CNTN4: variants seen among roughly 807,000 people sequenced by gnomAD.
CNTN4 encodes contactin-4.
In CNTN4, 77 loss-of-function variants were observed where a neutral mutation model predicts 122.5. The ratio of observed to expected loss-of-function variants is 0.63; its 90% CI spans 0.52 to 0.76. The LOEUF (loss-of-function observed/expected upper bound fraction) is 0.76, where lower values mean the gene tolerates loss of function less well. CNTN4 is among the 30% of genes least tolerant of loss of function. CNTN4 has a pLI of 0.00. For synonymous variants in CNTN4, 512 were observed against 447.0 expected, an observed-to-expected ratio of 1.15 and a Z score of -1.83; for missense variants, 1,256 against 1,259.1, an observed-to-expected ratio of 1.00 and a Z score of 0.04.
chr3:2,893,272 T>C (rs961197838), intron 10 of CNTN4, among the ~76,000 whole-genome samples: 2 of 152,200 alleles, frequency 1.3e-5, no homozygotes, highest in African/African-American at 2.4e-5. Context: ...TCTAAGGTCA[T>C]CAATAAATGA....
At chr3:2,199,753 C>G (rs968746346) in intron 2 of CNTN4, among the ~76,000 whole-genome samples, 1 of 152,106 alleles carries the variant, frequency 6.6e-6, no homozygotes, top group African/African-American at 2.4e-5. Context: ...GACAAACACC[C>G]AATACATGGT....
Position 2,879,881 on chromosome 3 carries a change from T to A in CNTN4, c.653-3264T>A, listed in dbSNP as rs192107200. Among the ~76,000 whole-genome samples, 385 of 152,198 alleles carry A rather than the reference T, an allele frequency of 2.5e-3. 2 individuals carry two copies. Among genetic ancestry groups the A allele is most frequent in the Non-Finnish European group, 4.8e-3 (329 of 68,010 alleles). On this transcript the variant is annotated intron_variant, in intron 8 of 24. Transcript: ENST00000418658. ...TTAAAAACTTGTTTTTTAAAAAAAA[T>A]TATCAATGGAAACAGACAAAGGTAG...
At chr3:2,353,119 A>G (rs1575441004) in intron 3 of CNTN4, among the ~76,000 whole-genome samples, 1 of 152,092 alleles carries the variant, frequency 6.6e-6, no homozygotes, top group East Asian at 1.9e-4. Flanking sequence ...AGGATTGTAT[A>G]TGTACCAATC....
chr3:2,563,456 A>C (rs906725966), intron 3 of CNTN4, among the ~76,000 whole-genome samples: 1 of 152,220 alleles, frequency 6.6e-6, no homozygotes, highest in African/African-American at 2.4e-5. Flanking sequence ...ACTATATAGT[A>C]AATGCTGTTT....
At chr3:2,430,175 G>C (rs1441821064) in intron 3 of CNTN4, among the ~76,000 whole-genome samples, 3 of 152,018 alleles carry the variant, frequency 2.0e-5, no homozygotes, top group Non-Finnish European at 4.4e-5. Context: ...TGTAATCCCA[G>C]CACTTTGGGA....
At chr3:2,562,096 C>G (rs1239971657) in intron 3 of CNTN4, among the ~76,000 whole-genome samples, 2 of 152,102 alleles carry the variant, frequency 1.3e-5, no homozygotes, top group African/African-American at 4.8e-5. Context: ...AATCTAAATG[C>G]AAGATGAAAA....
At chr3:2,752,506 C>G (rs1393546005) in intron 6 of CNTN4, among the ~76,000 whole-genome samples, 1 of 152,148 alleles carries the variant, frequency 6.6e-6, no homozygotes, top group Non-Finnish European at 1.5e-5. Context: ...GCTGGGAATA[C>G]AGGCGCCCAC....
intron 4 of CNTN4, among the ~76,000 whole-genome samples, chr3:2,667,346 A>G (rs980315271): frequency 9.9e-5 from 15 of 151,966 alleles, no homozygotes; most frequent in African/African-American, 2.4e-4. Context: ...GGCCAGTGAT[A>G]ATGAGCATTT....
chr3:2,100,457 CG>C (rs1275515771), intron 1 of CNTN4, 100 bp from the exon 2 acceptor site: 4 of 152,072 alleles, frequency 2.6e-5, no homozygotes, highest in African/African-American at 7.3e-5. Context: ...GGGGTAGGAG[CG>C]TAAAGACTGT....
chr3:2,562,580 A>G (rs1284903042), intron 3 of CNTN4, among the ~76,000 whole-genome samples: 1 of 152,128 alleles, frequency 6.6e-6, no homozygotes, highest in African/African-American at 2.4e-5. Context: ...TCATTGTTGC[A>G]TAGTATTCCG....
At chr3:2,549,451 G>C (rs2078389278) in intron 3 of CNTN4, among the ~76,000 whole-genome samples, 1 of 152,190 alleles carries the variant, frequency 6.6e-6, no homozygotes, top group Admixed American at 6.5e-5. Context: ...CATCTATTGA[G>C]ATAATCAGGT....
At chr3:2,375,417 T>C (rs898730474) in intron 3 of CNTN4, among the ~76,000 whole-genome samples, 4 of 152,194 alleles carry the variant, frequency 2.6e-5, no homozygotes, top group African/African-American at 7.2e-5. Flanking sequence ...ATTTTGAAGA[T>C]AGAAAAGATA....
intron 3 of CNTN4, among the ~76,000 whole-genome samples, chr3:2,541,237 T>C (rs2078019864): frequency 6.6e-6 from 1 of 152,180 alleles, no homozygotes; most frequent in African/African-American, 2.4e-5. Flanking sequence ...CTAATGGTTA[T>C]TGGAAATGTG....
intron 23 of CNTN4, among the ~76,000 whole-genome samples, chr3:3,046,841 T>TAA (rs566432642): frequency 1.4e-5 from 2 of 142,824 alleles, no homozygotes; most frequent in Admixed American, 1.4e-4. Context: ...GCAAATTGGA[T>TAA]AGAGTCAAGA....
chr3:2,173,948 T>C (rs747857503), intron 2 of CNTN4, among the ~76,000 whole-genome samples: 9 of 152,194 alleles, frequency 5.9e-5, no homozygotes, highest in Non-Finnish European at 4.4e-5. Flanking sequence ...TTGTTTTATT[T>C]TATTGTCAAA....
chr3:2,312,563 A>G lies in CNTN4; in HGVS notation c.-144-26615A>G, dbSNP rs1426845762. 6.6e-5 allele frequency among the ~76,000 whole-genome samples: 10 copies of G among 152,190 alleles called. 1 individual carries two copies. The highest frequency in any genetic ancestry group is 2.4e-4 in the African/African-American group (10 of 41,552). ...CTTCTCCCAGGAGATCCTGAAATCT[A>G]AAGTAGGAACACATGCCTCTCTATG... On this transcript the variant is annotated intron_variant, in intron 2 of 24. Coordinates refer to ENST00000418658, the MANE Select transcript of CNTN4 (RefSeq NM_175607.3).
At chr3:2,606,135 TG>T (rs1285850793) in intron 4 of CNTN4, among the ~76,000 whole-genome samples, 2 of 152,012 alleles carry the variant, frequency 1.3e-5, no homozygotes, top group African/African-American at 4.8e-5. Context: ...AAATATCGAA[TG>T]GGGGGACAAA....
intron 13 of CNTN4, among the ~76,000 whole-genome samples, chr3:2,957,885 T>A (rs1050508105): frequency 6.6e-5 from 10 of 152,324 alleles, no homozygotes; most frequent in East Asian, 1.9e-4. Flanking sequence ...TTGTAAATAG[T>A]GCTGCGATGA....
At chr3:2,780,054 G>C (rs2091506137) in intron 6 of CNTN4, among the ~76,000 whole-genome samples, 1 of 152,178 alleles carries the variant, frequency 6.6e-6, no homozygotes, top group Admixed American at 6.5e-5. Context: ...TAATCCCACA[G>C]CTGTAATGGG....
Sources: gnomAD v4.1 joint callset for allele counts (sites outside exome capture counted in the v4.1 genomes callset) on GRCh38, gnomAD v4.1.1 for gene constraint, MANE v1.5 for transcripts, NCBI Gene and HGNC (gene_info 2026-07-23, HGNC 2026-07-21) for gene names.